The following RAB4A variants were observed in gnomAD, a reference collection of about 807,000 sequenced individuals.
The protein encoded by RAB4A is ras-related protein Rab-4A.
A neutral mutation model predicts 34.5 loss-of-function variants in RAB4A; 20 were observed. That is an observed-to-expected ratio of 0.58 (90% CI 0.41 to 0.84). The LOEUF (loss-of-function observed/expected upper bound fraction) is 0.84, where lower values mean the gene tolerates loss of function less well. Ranked by LOEUF, RAB4A falls within the 40% of genes least tolerant of loss-of-function variation. The pLI, the probability that RAB4A is intolerant of heterozygous loss-of-function variation, is 0.00. For missense variants in RAB4A, 228 were observed against 274.5 expected, an observed-to-expected ratio of 0.83 and a Z score of 1.20; for synonymous variants, 102 against 100.0, an observed-to-expected ratio of 1.02 and a Z score of -0.12.
intron 1 of RAB4A, among the ~76,000 whole-genome samples, chr1:229,283,520 G>T (rs1656830638): frequency 6.6e-6 from 1 of 152,098 alleles, no homozygotes; most frequent in Non-Finnish European, 1.5e-5. Flanking sequence ...TTGGTCCCAT[G>T]GCTACAGAGA....
At chr1:229,300,068 C>T (rs961156119) in intron 6 of RAB4A, among the ~76,000 whole-genome samples, 1 of 152,138 alleles carries the variant, frequency 6.6e-6, no homozygotes, top group African/African-American at 2.4e-5. Context: ...TGTAGATTAC[C>T]AATTGTCAAC....
In RAB4A at chr1:229,305,120, T is replaced by G; in HGVS notation, c.*1327T>G. On this transcript the variant is annotated 3_prime_UTR_variant, in exon 8 of 8. Coordinates refer to ENST00000366690, the MANE Select transcript of RAB4A (RefSeq NM_004578.4). Reference sequence around the variant, plus strand: ...TTAATCAGCAGAGCACAGAGACACATAAAAACTCTGGGAAATGACTAGGAT... The same window carrying G: ...TTAATCAGCAGAGCACAGAGACACAGAAAAACTCTGGGAAATGACTAGGAT... 1 of 1,575,270 alleles carries G rather than the reference T, an allele frequency of 6.3e-7. No homozygotes were observed. The highest frequency in any genetic ancestry group is 1.9e-5 in the Admixed American group (1 of 52,930).
At chr1:229,275,019 A>G (rs759256685) in intron 1 of RAB4A, among the ~76,000 whole-genome samples, 2 of 152,214 alleles carry the variant, frequency 1.3e-5, no homozygotes, top group Non-Finnish European at 2.9e-5. Context: ...AATTATCAGA[A>G]TATTTTCCTT....
At chr1:229,284,296 T>A (rs1656866600) in intron 1 of RAB4A, among the ~76,000 whole-genome samples, 1 of 151,764 alleles carries the variant, frequency 6.6e-6, no homozygotes, top group African/African-American at 2.4e-5. Flanking sequence ...GACGGGGGTT[T>A]CGCTGTTGGC....
chr1:229,299,056 T>C lies in RAB4A; in HGVS notation c.525T>C (p.Leu175=), dbSNP rs1384310920. 6.2e-7 allele frequency: 1 copy of C among 1,605,474 alleles called. No homozygotes were observed. Among genetic ancestry groups the C allele is most frequent in the African/African-American group, 1.3e-5 (1 of 74,422 alleles). Residue 175 remains leucine, a synonymous_variant, in exon 6 of 8, where the codon CTT becomes CTC. Transcript: ENST00000366690. ...EAFVQCARKI[L]NKIESGELDP... is the part of the protein sequence containing the mutation. Reference sequence around the variant, plus strand: ...TTGTACAGTGTGCAAGAAAAATACTTAACAAAATCGAATCAGGTAAAAGCC... The same window carrying C: ...TTGTACAGTGTGCAAGAAAAATACTCAACAAAATCGAATCAGGTAAAAGCC...
intron 3 of RAB4A, among the ~76,000 whole-genome samples, chr1:229,294,787 GCCATTGCA>G (rs1558239715): frequency 1.3e-5 from 2 of 152,140 alleles, no homozygotes; most frequent in Non-Finnish European, 2.9e-5. Context: ...CTGAGATCGC[GCCATTGCA>G]CTCTAGCCTG....
intron 3 of RAB4A, 118 bp from the exon 4 acceptor site, chr1:229,295,730 C>A: frequency 2.3e-6 from 2 of 872,474 alleles, no homozygotes; most frequent in Non-Finnish European, 3.7e-6. Flanking sequence ...CTCTTTTAAA[C>A]CAGTGTCTGT....
chr1:229,302,288 TATA>T (rs1657416722), intron 6 of RAB4A, among the ~76,000 whole-genome samples: 15 of 24,138 alleles, frequency 6.2e-4, no homozygotes, highest in African/African-American at 2.6e-3. Context: ...TATATATATA[TATA>T]TATATATATA....
At chr1:229,295,977 G>A (rs1657242380) in intron 4 of RAB4A, 67 bp downstream of exon 4, 10 of 1,540,482 alleles carry the variant, frequency 6.5e-6, no homozygotes, top group South Asian at 1.1e-5. Context: ...TGGTCTTGGC[G>A]AGGTGCCCTC....
intron 1 of RAB4A, among the ~76,000 whole-genome samples, chr1:229,286,122 T>C (rs1468972472): frequency 2.6e-5 from 4 of 152,256 alleles, no homozygotes; most frequent in African/African-American, 9.6e-5. Flanking sequence ...TTTATTCTTT[T>C]GTACAGAAAA....
intron 6 of RAB4A, among the ~76,000 whole-genome samples, chr1:229,299,753 C>T (rs960961926): frequency 4.6e-5 from 7 of 152,060 alleles, no homozygotes; most frequent in South Asian, 4.2e-4. Context: ...AAATCACACC[C>T]CTTGCCCCCC....
rs1234119555 is a variant in RAB4A at position 229,304,653 on chromosome 1, A to G, written c.*860A>G. The stretch of plus-strand genomic sequence containing the variant: ...GTCTCCCTGCTAGAAAACACATTGT[A>G]CTGTGCTTTTTCTGGAATTCAGTAT... On this transcript the variant is annotated 3_prime_UTR_variant, in exon 8 of 8. Coordinates refer to ENST00000366690, the MANE Select transcript of RAB4A (RefSeq NM_004578.4). The G allele has an allele frequency of 6.6e-6, 1 of 152,334 alleles. No homozygotes were observed. The highest frequency in any genetic ancestry group is 1.5e-5 in the Non-Finnish European group (1 of 68,148). The allele number at this position is 152,334 out of a possible 1,614,324, so 9.4% of individuals were successfully genotyped here.
In RAB4A at chr1:229,283,935, C is replaced by T. The variant is rs555870466; in HGVS notation, c.32-2551C>T. Among the ~76,000 whole-genome samples, 12 of 151,228 alleles carry T rather than the reference C, an allele frequency of 7.9e-5. No homozygotes were observed. The East Asian group carries it at 1.9e-3, about 25-fold the overall frequency. Reference sequence around the variant, plus strand: ...ATTTTTAATAGAGACATGGTTTCATCATGTTGGCCAAGCTGGTCTCAAACT... The same window carrying T: ...ATTTTTAATAGAGACATGGTTTCATTATGTTGGCCAAGCTGGTCTCAAACT... On this transcript the variant is annotated intron_variant, in intron 1 of 7. Transcript: ENST00000366690.
intron 6 of RAB4A, among the ~76,000 whole-genome samples, chr1:229,302,301 ATATATATATT>A (rs1370788820): frequency 1.5e-3 from 59 of 40,462 alleles, no homozygotes; most frequent in East Asian, 4.5e-3. Flanking sequence ...ATATATATAT[ATATATATATT>A]TTTTTTTTTT....
rs1349123622 is a variant in RAB4A at position 229,295,930 on chromosome 1, G to A, written c.290+20G>A. The A allele has an allele frequency of 6.2e-7, 1 of 1,613,360 alleles. No homozygotes were observed. Among genetic ancestry groups the A allele is most frequent in the African/African-American group, 1.3e-5 (1 of 74,920 alleles). ...CACCAGGTAATGCCAGCTCCCCCTG[G>A]TGAAGGAGGGTGCTCAGTGCCCTGC... is the stretch of plus-strand genomic sequence containing the variant. On this transcript the variant is annotated intron_variant, in intron 4 of 7. Coordinates refer to ENST00000366690, the MANE Select transcript of RAB4A (RefSeq NM_004578.4).
At chr1:229,272,896 C>T (rs1156618844) in intron 1 of RAB4A, among the ~76,000 whole-genome samples, 4 of 152,192 alleles carry the variant, frequency 2.6e-5, no homozygotes, top group African/African-American at 4.8e-5. Context: ...AGGAAATCCT[C>T]CAGTAAGTCG....
At chr1:229,277,794 A>G (rs1160640655) in intron 1 of RAB4A, among the ~76,000 whole-genome samples, 1 of 151,126 alleles carries the variant, frequency 6.6e-6, no homozygotes, top group Non-Finnish European at 1.5e-5. Context: ...TTTGTCACCT[A>G]TCCCATTCTG....
rs1206016313 is a variant in RAB4A at position 229,304,362 on chromosome 1, A to G, written c.*569A>G. ...CACTTGAAATACTAGATCAGTAGACATTCACTAATATACCAAAATAAAATG... is the reference window on the plus strand; with the variant it reads ...CACTTGAAATACTAGATCAGTAGACGTTCACTAATATACCAAAATAAAATG... On this transcript the variant is annotated 3_prime_UTR_variant, in exon 8 of 8. Transcript: ENST00000366690. The G allele has an allele frequency of 1.3e-5, 2 of 152,148 alleles. No homozygotes were observed. The highest frequency in any genetic ancestry group is 1.9e-4 in the East Asian group (1 of 5,204). 9.4% of individuals were successfully genotyped at this position (152,148 alleles called of 1,614,324 possible). A position where few individuals can be genotyped will look rare whatever the true frequency, so the allele number is the denominator to read the frequency against.
intron 1 of RAB4A, among the ~76,000 whole-genome samples, chr1:229,271,779 TC>T (rs1459422650): frequency 3.3e-5 from 5 of 152,204 alleles, no homozygotes; most frequent in Non-Finnish European, 1.5e-5. Flanking sequence ...ACGCCTGTGT[TC>T]CTCAAATACT....
Sources: gnomAD v4.1 joint callset for allele counts (sites outside exome capture counted in the v4.1 genomes callset) on GRCh38, gnomAD v4.1.1 for gene constraint, MANE v1.5 for transcripts, NCBI Gene and HGNC (gene_info 2026-07-23, HGNC 2026-07-21) for gene names.